The following RPL7L1 variants were observed in gnomAD, a reference collection of about 807,000 sequenced individuals.
RPL7L1 encodes ribosomal protein L7 like 1.
A neutral mutation model predicts 30.3 loss-of-function variants in RPL7L1; 20 were observed. The ratio of observed to expected loss-of-function variants is 0.66; its 90% CI spans 0.46 to 0.96. The LOEUF (loss-of-function observed/expected upper bound fraction) is 0.96. Ranked by LOEUF, RPL7L1 falls within the 40% of genes least tolerant of loss-of-function variation. The pLI is 0.00. For missense variants in RPL7L1, 271 were observed against 314.9 expected, an observed-to-expected ratio of 0.86 and a Z score of 1.05; for synonymous variants, 107 against 110.1, an observed-to-expected ratio of 0.97 and a Z score of 0.18.
Position 42,879,785 on chromosome 6 carries a change from C to T in RPL7L1, c.-126C>T, listed in dbSNP as rs752597643. On this transcript the variant is annotated 5_prime_UTR_variant, in exon 1 of 6. Transcript: ENST00000493763. ...AACTTTTGGCAGGAATCGGGGTTAGCGGGACCTCAAGGGCTCACTGCGGCT... is the reference window on the plus strand; with the variant it reads ...AACTTTTGGCAGGAATCGGGGTTAGTGGGACCTCAAGGGCTCACTGCGGCT... 4.0e-5 allele frequency: 37 copies of T among 924,874 alleles called. No individual in the cohort carries two copies. The highest frequency in any genetic ancestry group is 5.6e-5 in the Non-Finnish European group (32 of 567,078). The allele number at this position is 924,874 out of a possible 1,614,324, so 57.3% of individuals were successfully genotyped here.
rs1244235881 is a variant in RPL7L1 at position 42,888,018 on chromosome 6, A to C, written c.*1554A>C. 5.3e-5 allele frequency: 8 copies of C among 150,840 alleles called. No homozygotes were observed. The Admixed American group carries it at 5.3e-4, about 10-fold the overall frequency. The allele number at this position is 150,840 out of a possible 1,614,324, so 9.3% of individuals were successfully genotyped here. ...CTGGTGGCTTTTGTATCGTAACCTG[A>C]AACTGGCTTAGTACTTTTTCCTAAA... On this transcript the variant is annotated 3_prime_UTR_variant, in exon 6 of 6. Transcript: ENST00000493763.
In RPL7L1 at chr6:42,884,543, G is replaced by A. The variant is rs563824784; in HGVS notation, c.312-70G>A. The A allele has an allele frequency of 6.6e-5, 94 of 1,425,232 alleles. No individual in the cohort carries two copies. The African/African-American group carries it at 1.1e-3, about 16-fold the overall frequency. The allele number at this position is 1,425,232 out of a possible 1,614,324, so 88.3% of individuals were successfully genotyped here. On this transcript the variant is annotated intron_variant, in intron 3 of 5. Coordinates refer to ENST00000493763, the MANE Select transcript of RPL7L1 (RefSeq NM_001366481.3). Reference sequence around the variant, plus strand: ...CCAGATTACCCAGTGTAGTGACCTCGCATGTTGTGCTTGCTGGACTGACAT... The same window carrying A: ...CCAGATTACCCAGTGTAGTGACCTCACATGTTGTGCTTGCTGGACTGACAT...
At position 42,887,676 on chromosome 6, in the gene RPL7L1, T is replaced by TA. The variant is rs1766324159; in HGVS notation, c.*1212_*1213insA. On this transcript the variant is annotated 3_prime_UTR_variant, in exon 6 of 6. Coordinates refer to ENST00000493763, the MANE Select transcript of RPL7L1 (RefSeq NM_001366481.3). The stretch of plus-strand genomic sequence containing the variant: ...AAATTCCAGTGTTTTCTGCATTGGG[T>TA]GCTGTGTCATCTGAAATCGGCACAT... 1 of 152,120 alleles carries TA rather than the reference T, an allele frequency of 6.6e-6. No homozygotes were observed. The highest frequency in any genetic ancestry group is 2.4e-5 in the African/African-American group (1 of 41,402). 9.4% of individuals were successfully genotyped at this position (152,120 alleles called of 1,614,324 possible).
At chr6:42,881,053 C>A in intron 2 of RPL7L1, 87 bp downstream of exon 2, 1 of 750,080 alleles carries the variant, frequency 1.3e-6, no homozygotes, top group Non-Finnish European at 2.3e-6. Flanking sequence ...TTGGTATTGA[C>A]GAGCTCCCCC....
At chr6:42,883,422 A>G in intron 2 of RPL7L1, 29 bp from the exon 3 acceptor site, 3 of 1,511,564 alleles carry the variant, frequency 2.0e-6, no homozygotes, top group Non-Finnish European at 2.7e-6. Flanking sequence ...GAGGCACAAG[A>G]TGATGATGAT....
rs1562514004 is a variant in RPL7L1 at position 42,887,328 on chromosome 6, A to G, written c.*864A>G. 6.6e-6 allele frequency: 1 copy of G among 152,190 alleles called. No individual in the cohort carries two copies. Among genetic ancestry groups the G allele is most frequent in the Non-Finnish European group, 1.5e-5 (1 of 68,064 alleles). 9.4% of individuals were successfully genotyped at this position (152,190 alleles called of 1,614,324 possible). ...CCGGTCGTGGTGGCTCATGCCTGTA[A>G]TCCCAACACTTAGGGAGGCTGAGGT... On this transcript the variant is annotated 3_prime_UTR_variant, in exon 6 of 6. Coordinates refer to ENST00000493763, the MANE Select transcript of RPL7L1 (RefSeq NM_001366481.3).
chr6:42,883,650 G>A (rs1457284240), intron 3 of RPL7L1, 36 bp downstream of exon 3: 1 of 1,528,812 alleles, frequency 6.5e-7, no homozygotes, highest in South Asian at 1.3e-5. Flanking sequence ...GCATGAGGCT[G>A]GGGCAAAGTG....
rs1160311894 is a variant in RPL7L1, at chr6:42,879,917, A to G, written c.7A>G (p.Ser3Gly). Residue 3 changes from serine to glycine, a missense_variant, in exon 1 of 6, where the codon AGT becomes GGT. Physicochemically the swap from Ser to Gly is moderately conservative, Grantham distance 56 (BLOSUM62 0). Transcript: ENST00000493763. ...CCATGTGGTGGGGTTGCGCATGATC[A>G]GTAGCTGCACCACTAGAAAGATGGC... The part of the protein sequence containing the change: MI[S>G]SCTTRKMAEQ... 8 of 1,614,076 alleles carry G rather than the reference A, an allele frequency of 5.0e-6. No homozygotes were observed. Among genetic ancestry groups the G allele is most frequent in the Non-Finnish European group, 5.9e-6 (7 of 1,179,978 alleles).
At chr6:42,884,980 G>A (rs1766208766) in intron 4 of RPL7L1, among the ~76,000 whole-genome samples, 3 of 152,156 alleles carry the variant, frequency 2.0e-5, no homozygotes, top group Admixed American at 2.0e-4. Context: ...GCTGGGTCAA[G>A]GAAAGCTTGG....
chr6:42,883,622 A>G lies in RPL7L1; in HGVS notation c.311+8A>G, dbSNP rs375961373. The G allele has an allele frequency of 3.9e-5, 62 of 1,574,232 alleles. No homozygotes were observed. The highest frequency in any genetic ancestry group is 3.4e-4 in the Middle Eastern group (2 of 5,896). On this transcript the variant is annotated splice_region_variant and intron_variant, in intron 3 of 5. Coordinates refer to ENST00000493763, the MANE Select transcript of RPL7L1 (RefSeq NM_001366481.3). ...TGTTGTACGCATCGAAAGGTAAGGA[A>G]CTGGTGTCTTTCTAATTGCATGAGG...
chr6:42,880,030 C>A, intron 1 of RPL7L1, 79 bp downstream of exon 1: 2 of 1,387,404 alleles, frequency 1.4e-6, no homozygotes, highest in Non-Finnish European at 1.0e-6. Context: ...GCCTTGGTGG[C>A]GGATTCCTGT....
In RPL7L1 at chr6:42,886,006, T is replaced by C; in HGVS notation, c.482T>C (p.Ile161Thr). The C allele has an allele frequency of 1.2e-6, 2 of 1,609,596 alleles. No individual in the cohort carries two copies. The highest frequency in any genetic ancestry group is 2.2e-5 in the East Asian group (1 of 44,862). Residue 161 changes from isoleucine (I) to threonine (T), a missense_variant, in exon 5 of 6, where the codon ATT becomes ACT. By Grantham distance (89) the Ile-to-Thr change is moderately conservative. Transcript: ENST00000493763. ...AATCTGAAGTCTGTCCGAGAACTCA[T>C]TTTGAAACGTGGACAAGCCAAGGTC... ...FPNLKSVREL[I>T]LKRGQAKVKN...
At position 42,880,880 on chromosome 6, in the gene RPL7L1, G is replaced by C. The variant is rs1174426412; in HGVS notation, c.61G>C (p.Val21Leu). Residue 21 changes from valine to leucine, a missense_variant, in exon 2 of 6, where the codon GTT becomes CTT. Transcript: ENST00000493763. The stretch of plus-strand genomic sequence containing the variant: ...CATCAGGCAAAGAAAAATCCCTTTG[G>C]TTCCAGAAAATCTCCTGAAAAAGAG... ...AEQEQRKIPL[V>L]PENLLKKRKA... is the part of the protein sequence containing the mutation. 6.2e-7 allele frequency: 1 copy of C among 1,600,656 alleles called. No individual in the cohort carries two copies. Among genetic ancestry groups the C allele is most frequent in the Admixed American group, 1.7e-5 (1 of 59,740 alleles).
chr6:42,884,670 A>C lies in RPL7L1; in HGVS notation c.369A>C (p.Lys123Asn), dbSNP rs1396706695. The C allele has an allele frequency of 6.2e-7, 1 of 1,613,868 alleles. No individual in the cohort carries two copies. Residue 123 changes from lysine (K) to asparagine (N), a missense_variant, in exon 4 of 6, where the codon AAA (lysine) becomes AAC (asparagine). Transcript: ENST00000493763. ...QRTIARLRLK[K>N]IFSGVFVKVT... ...CCATTGCAAGACTTCGCCTAAAGAA[A>C]ATTTTTAGTGGTGTCTTTGTAAAAG...
Position 42,886,287 on chromosome 6 carries a change from C to T in RPL7L1, c.591C>T (p.Leu197=), listed in dbSNP as rs752984820. 1.2e-6 allele frequency: 2 copies of T among 1,611,652 alleles called. No individual in the cohort carries two copies. The highest frequency in any genetic ancestry group is 1.7e-6 in the Non-Finnish European group (2 of 1,179,720). Residue 197 remains leucine, a synonymous_variant, in exon 6 of 6, where the codon CTC becomes CTT. Transcript: ENST00000493763. ...TTGGCGTCATTTGCTTGGAAGACCT[C>T]ATTCATGAAATTGCCTTCCCAGGGA... is the stretch of plus-strand genomic sequence containing the variant. The part of the protein sequence containing the change: ...GKFGVICLED[L]IHEIAFPGKH...
chr6:42,881,125 C>T (rs1180020886), intron 2 of RPL7L1, 159 bp downstream of exon 2: 2 of 575,358 alleles, frequency 3.5e-6, no homozygotes, highest in East Asian at 6.5e-5. Context: ...GGTTCCAGGA[C>T]TCCCACAGAT....
At position 42,886,461 on chromosome 6, in the gene RPL7L1, C is replaced by T. The variant is rs766280086; in HGVS notation, c.765C>T (p.Asn255=). Residue 255 remains asparagine, a synonymous_variant, in exon 6 of 6, where the codon AAC becomes AAT. Coordinates refer to ENST00000493763, the MANE Select transcript of RPL7L1 (RefSeq NM_001366481.3). ...ERINQLIRQL[N] is the part of the protein sequence containing the mutation. Reference sequence around the variant, plus strand: ...TCAATCAGCTCATCCGTCAGCTGAACTAGACCCAGGTGAGGCAGGGCTGAA... The same window carrying T: ...TCAATCAGCTCATCCGTCAGCTGAATTAGACCCAGGTGAGGCAGGGCTGAA... 14 of 1,507,816 alleles carry T rather than the reference C, an allele frequency of 9.3e-6. No individual in the cohort carries two copies. The South Asian group carries it at 1.6e-4, about 17-fold the overall frequency. The allele number at this position is 1,507,816 out of a possible 1,614,324, so 93.4% of individuals were successfully genotyped here. A position where few individuals can be genotyped will look rare whatever the true frequency, so the allele number is the denominator to read the frequency against.
chr6:42,880,060 G>C (rs1766015428), intron 1 of RPL7L1, 109 bp downstream of exon 1: 4 of 1,131,268 alleles, frequency 3.5e-6, no homozygotes, highest in Non-Finnish European at 5.4e-6. Context: ...GAATAGAAAA[G>C]GCCACAGTTT....
At chr6:42,885,571 CAA>C (rs879641374) in intron 4 of RPL7L1, 86 of 136,562 alleles carry the variant, frequency 6.3e-4, no homozygotes, top group South Asian at 1.7e-3. Flanking sequence ...GACTCCGTCT[CAA>C]AAAAAAAAAA....
Sources: allele counts gnomAD v4.1 joint callset (sites outside exome capture counted in the v4.1 genomes callset), GRCh38; gene constraint gnomAD v4.1.1; transcripts MANE v1.5; gene names NCBI Gene and HGNC (gene_info 2026-07-23, HGNC 2026-07-21).